Variants in ADGRG1 observed in about 807,000 individuals in gnomAD.
ADGRG1 encodes the protein adhesion G protein-coupled receptor G1.
ADGRG1 carries 53 observed loss-of-function variants against 73.5 expected under a neutral mutation model. The ratio of observed to expected loss-of-function variants is 0.72; its 90% CI spans 0.58 to 0.91. The LOEUF is 0.91. ADGRG1 is among the 40% of genes least tolerant of loss of function. The pLI is 0.00. For missense variants in ADGRG1, 795 were observed against 871.8 expected (o/e 0.91, Z 1.11); for synonymous variants, 394 against 374.4 (o/e 1.05, Z -0.60).
chr16:57,625,682 A>G (rs889995342), upstream of ADGRG1: 4 of 984,490 alleles, frequency 4.1e-6, no homozygotes, highest in Non-Finnish European at 4.8e-6. Flanking sequence ...GTCTCAGGCT[A>G]TCTGTAGGTC....
rs530873764 is a variant in ADGRG1 at position 57,644,901 on chromosome 16, C to T, written c.-35-5352C>T. Reference sequence around the variant, plus strand: ...GTACACTCATGCATGGGCACACACACTCATCACTTCATAACTCATGCACAC... The same window carrying T: ...GTACACTCATGCATGGGCACACACATTCATCACTTCATAACTCATGCACAC... On this transcript the variant is annotated intron_variant, in intron 1 of 13. Transcript: ENST00000562631. 3.5e-4 allele frequency among the ~76,000 whole-genome samples: 50 copies of T among 144,478 alleles called. No individual in the cohort carries two copies. The South Asian group carries it at 7.8e-3, about 23-fold the overall frequency. The allele number at this position is 144,478 out of a possible 152,430, so 94.8% of individuals were successfully genotyped here.
chr16:57,625,467 C>A, upstream of ADGRG1: 3 of 543,276 alleles, frequency 5.5e-6, no homozygotes, highest in Non-Finnish European at 7.0e-6. Flanking sequence ...TTTTCCTGGT[C>A]TCTTGGACCA....
At chr16:57,646,852 C>G in intron 1 of ADGRG1, 1 of 861,446 alleles carries the variant, frequency 1.2e-6, no homozygotes. Context: ...CTAACATTAT[C>G]ATTGCGGGGG....
At chr16:57,651,036 T>A in intron 2 of ADGRG1, 164 bp from the exon 3 acceptor site, 2 of 1,537,754 alleles carry the variant, frequency 1.3e-6, no homozygotes, top group South Asian at 1.2e-5. Flanking sequence ...AGTTTGATGC[T>A]GATAAGTTTT....
chr16:57,662,903 A>G (rs1241610324), intron 13 of ADGRG1: 21 of 984,504 alleles, frequency 2.1e-5, no homozygotes, highest in African/African-American at 7.0e-5. Flanking sequence ...CCTCCCATAC[A>G]GGGTCACCCT....
At position 57,628,690 on chromosome 16, in the gene ADGRG1, A is replaced by G; in HGVS notation, c.-148A>G. ...GGGCTGGGAGCCTCCCACGCTCTCC[A>G]GCTCACTCGGCAGGCAGCGGGGACC... On this transcript the variant is annotated 5_prime_UTR_variant, in exon 1 of 14. Transcript: ENST00000562631. 1 of 985,484 alleles carries G rather than the reference A, an allele frequency of 1.0e-6. No homozygotes were observed. Among genetic ancestry groups the G allele is most frequent in the Non-Finnish European group, 1.2e-6 (1 of 829,966 alleles). 61.0% of individuals were successfully genotyped at this position (985,484 alleles called of 1,614,324 possible). A position where few individuals can be genotyped will look rare whatever the true frequency, so the allele number is the denominator to read the frequency against.
rs192703647 is a variant in ADGRG1 at position 57,663,055 on chromosome 16, C to T, written c.1934-397C>T. ...TACATTCACACAGACATTTACTAAG[C>T]TGTGGATACATCATAGTGCTATTAA... On this transcript the variant is annotated intron_variant, in intron 13 of 13. Coordinates refer to ENST00000562631, the MANE Select transcript of ADGRG1 (RefSeq NM_201525.4). 8,633 of 985,180 alleles carry T rather than the reference C, an allele frequency of 8.8e-3. 46 individuals carry two copies. The highest frequency in any genetic ancestry group is 9.8e-3 in the Non-Finnish European group (8,133 of 829,684). 61.0% of individuals were successfully genotyped at this position (985,180 alleles called of 1,614,324 possible).
intron 1 of ADGRG1, chr16:57,631,995 C>G: frequency 1.0e-6 from 1 of 985,494 alleles, no homozygotes; most frequent in Non-Finnish European, 1.2e-6. Context: ...CCCAAACTCT[C>G]CCTGGTTCCC....
intron 1 of ADGRG1, among the ~76,000 whole-genome samples, chr16:57,649,404 T>C (rs2043468060): frequency 6.6e-6 from 1 of 152,086 alleles, no homozygotes; most frequent in South Asian, 2.1e-4. Context: ...TGGAGGAGGC[T>C]ACTGGGGGTG....
chr16:57,650,142 G>C, intron 1 of ADGRG1, 111 bp from the exon 2 acceptor site: 1 of 1,534,174 alleles, frequency 6.5e-7, no homozygotes, highest in Non-Finnish European at 8.8e-7. Flanking sequence ...TTCCACACTT[G>C]CTTCCCCACC....
intron 1 of ADGRG1, chr16:57,639,321 C>A: frequency 3.0e-6 from 3 of 985,522 alleles, no homozygotes; most frequent in Non-Finnish European, 2.4e-6. Context: ...AGTTACGGAG[C>A]CACGTTGCTT....
rs2043965637 is a variant in ADGRG1, at chr16:57,651,092, T to A, written c.65-108T>A. The A allele has an allele frequency of 2.5e-6, 4 of 1,600,026 alleles. No individual in the cohort carries two copies. The East Asian group carries it at 8.9e-5, about 36-fold the overall frequency. On this transcript the variant is annotated intron_variant, in intron 2 of 13. Coordinates refer to ENST00000562631, the MANE Select transcript of ADGRG1 (RefSeq NM_201525.4). ...TTTTTGTAGACCCTTGGAATGTGTG[T>A]GAATCTCAGGCTCCAGGTTCACATG... is the stretch of plus-strand genomic sequence containing the variant.
At chr16:57,626,282 C>T (rs141338862), upstream of ADGRG1, among the ~76,000 whole-genome samples, 33 of 152,312 alleles carry the variant, frequency 2.2e-4, no homozygotes, top group Middle Eastern at 3.4e-3. Context: ...ACAAGCAGAG[C>T]ATCTTACACC....
intron 1 of ADGRG1, chr16:57,646,780 G>C (rs1421368884): frequency 2.6e-5 from 23 of 875,776 alleles, no homozygotes; most frequent in Non-Finnish European, 3.2e-5. Context: ...TAAAATGGTA[G>C]CAGTGAGACC....
chr16:57,644,594 A>G (rs1350621418), intron 1 of ADGRG1, among the ~76,000 whole-genome samples: 1 of 144,824 alleles, frequency 6.9e-6, no homozygotes. Context: ...CTGATCACAC[A>G]CTCATGCAAG....
chr16:57,639,784 C>T (rs1395786646), intron 1 of ADGRG1: 6 of 790,120 alleles, frequency 7.6e-6, no homozygotes, highest in Middle Eastern at 1.2e-3. Flanking sequence ...CCCTCCAGCT[C>T]GCCTCCTTCC....
rs139500879 is a variant in ADGRG1, at chr16:57,641,385, C to A, written c.-35-8868C>A. 22 of 981,044 alleles carry A rather than the reference C, an allele frequency of 2.2e-5. No homozygotes were observed. In the East Asian group the frequency reaches 4.6e-4, roughly 20 times the overall value. The allele number at this position is 981,044 out of a possible 1,614,324, so 60.8% of individuals were successfully genotyped here. A position where few individuals can be genotyped will look rare whatever the true frequency, so the allele number is the denominator to read the frequency against. On this transcript the variant is annotated intron_variant, in intron 1 of 13. Transcript: ENST00000562631. ...GGCCAGGTGGAGACTTGGCCATGAA[C>A]CTCTACGTGGCTGCAGACCACCCCA...
At chr16:57,654,419 C>T (rs1378137252) in intron 5 of ADGRG1, among the ~76,000 whole-genome samples, 1 of 134,514 alleles carries the variant, frequency 7.4e-6, no homozygotes, top group South Asian at 2.8e-4. Flanking sequence ...ACCCCCCCCC[C>T]CCGTTTTTTT....
upstream of ADGRG1, chr16:57,625,593 G>A (rs772376713): frequency 8.6e-5 from 84 of 981,048 alleles, no homozygotes; most frequent in Middle Eastern, 1.0e-3. Context: ...AGTCCCTGGC[G>A]TCTAGACCAG....
Sources: gnomAD v4.1 joint callset for allele counts (sites outside exome capture counted in the v4.1 genomes callset) on GRCh38, gnomAD v4.1.1 for gene constraint, MANE v1.5 for transcripts, NCBI Gene and HGNC (gene_info 2026-07-23, HGNC 2026-07-21) for gene names.